Variants in CEACAM16 observed in about 807,000 individuals in gnomAD.
CEACAM16 encodes the protein cell adhesion molecule CEACAM16.
In CEACAM16, 30 loss-of-function variants were observed where a neutral mutation model predicts 39.4. That is an observed-to-expected ratio of 0.76 (90% CI 0.57 to 1.03). CEACAM16 has a LOEUF of 1.03. Among genes scored for constraint, CEACAM16 ranks in the 50% least tolerant of loss-of-function variants. CEACAM16 has a pLI of 0.00. For missense variants in CEACAM16, 521 were observed against 585.3 expected (o/e 0.89, Z 1.13); for synonymous variants, 262 against 264.9 (o/e 0.99, Z 0.11).
chr19:44,710,400 G>C, intron 6 of CEACAM16, 96 bp from the exon 7 acceptor site: 1 of 1,400,238 alleles, frequency 7.1e-7, no homozygotes, highest in Non-Finnish European at 9.8e-7. Context: ...GGTGGCCCGG[G>C]GTGGGCAGGG....
intron 3 of CEACAM16, 73 bp downstream of exon 3, chr19:44,703,766 T>TAAAA: frequency 2.2e-6 from 2 of 899,664 alleles, no homozygotes; most frequent in Non-Finnish European, 3.0e-6. Flanking sequence ...TTCTTTTTTT[T>TAAAA]AAAAAAAAAA....
At chr19:44,703,766 T>TAA (rs200629926) in intron 3 of CEACAM16, 73 bp downstream of exon 3, 721 of 898,708 alleles carry the variant, frequency 8.0e-4, no homozygotes, top group South Asian at 1.5e-3. Context: ...TTCTTTTTTT[T>TAA]AAAAAAAAAA....
intron 2 of CEACAM16, 41 bp from the exon 3 acceptor site, chr19:44,703,308 C>A: frequency 6.4e-7 from 1 of 1,556,912 alleles, no homozygotes; most frequent in Non-Finnish European, 8.8e-7. Context: ...GGCGATTGAT[C>A]AAACCTGCCT....
intron 1 of CEACAM16, among the ~76,000 whole-genome samples, chr19:44,700,949 G>A (rs1056122723): frequency 2.6e-5 from 4 of 152,134 alleles, no homozygotes; most frequent in African/African-American, 4.8e-5. Context: ...GGTCCTAAAG[G>A]TGCCCACTTT....
intron 6 of CEACAM16, 108 bp from the exon 7 acceptor site, chr19:44,710,388 T>A (rs1974518154): frequency 8.0e-7 from 1 of 1,246,076 alleles, no homozygotes; most frequent in Non-Finnish European, 1.1e-6. Flanking sequence ...ATTGGGCCAC[T>A]GGGTGGCCCG....
rs372417134 is a variant in CEACAM16 at position 44,705,685 on chromosome 19, G to A, written c.757G>A (p.Val253Met). 3.9e-5 allele frequency: 63 copies of A among 1,613,800 alleles called. No individual in the cohort carries two copies. The highest frequency in any genetic ancestry group is 2.0e-4 in the African/African-American group (15 of 74,918). Residue 253 changes from valine to methionine, a missense_variant, in exon 5 of 7, where the codon GTG becomes ATG. Transcript: ENST00000587331. ...CAACACGTCCCTCACCCTGTGGTGCGTGTCCAGGTCCTGCCCAGAGCCCGA... is the reference window on the plus strand; with the variant it reads ...CAACACGTCCCTCACCCTGTGGTGCATGTCCAGGTCCTGCCCAGAGCCCGA... Reference protein sequence around the residue: ...DFNTSLTLWCVSRSCPEPEYV... With the variant: ...DFNTSLTLWCMSRSCPEPEYV...
chr19:44,704,371 G>A, intron 4 of CEACAM16, 75 bp downstream of exon 4: 1 of 1,420,176 alleles, frequency 7.0e-7, no homozygotes, highest in East Asian at 2.5e-5. Context: ...CCAGGAGAGG[G>A]GGCCTAAGGG....
At position 44,704,315 on chromosome 19, in the gene CEACAM16, ACT is replaced by A. The variant is rs971978931; in HGVS notation, c.661+20_661+21del. On this transcript the variant is annotated intron_variant, in intron 4 of 6. Coordinates refer to ENST00000587331, the MANE Select transcript of CEACAM16 (RefSeq NM_001039213.4). ...GTGTACTGTGAGTCCTCCTGGCCCC[ACT>A]GGAGATACCCAGTGTCCAAACCTCA... The A allele has an allele frequency of 6.8e-7, 1 of 1,475,000 alleles. No individual in the cohort carries two copies. The highest frequency in any genetic ancestry group is 2.2e-5 in the Admixed American group (1 of 45,516). 91.4% of individuals were successfully genotyped at this position (1,475,000 alleles called of 1,614,324 possible). A position where few individuals can be genotyped will look rare whatever the true frequency, so the allele number is the denominator to read the frequency against.
chr19:44,704,061 G>A lies in CEACAM16; in HGVS notation c.426G>A (p.Leu142=). Residue 142 remains leucine (L), a synonymous_variant, in exon 4 of 7, where the codon CTG becomes CTA. Coordinates refer to ENST00000587331, the MANE Select transcript of CEACAM16 (RefSeq NM_001039213.4). ...QPTVLANSTA[L]VERRDTLRLM... Reference sequence around the variant, plus strand: ...CAGTCTTGGCCAACAGCACAGCGCTGGTGGAACGTCGAGACACCCTGCGCC... The same window carrying A: ...CAGTCTTGGCCAACAGCACAGCGCTAGTGGAACGTCGAGACACCCTGCGCC... 1.2e-6 allele frequency: 2 copies of A among 1,610,528 alleles called. No homozygotes were observed. Among genetic ancestry groups the A allele is most frequent in the Non-Finnish European group, 8.5e-7 (1 of 1,179,098 alleles).
Position 44,704,175 on chromosome 19 carries a change from C to T in CEACAM16, c.540C>T (p.Ser180=). The stretch of plus-strand genomic sequence containing the variant: ...CCGTCGCTCTCCGCCTGGGCCTGTC[C>T]CCTGACGGCCGGGTGCTGGCCAGGC... ...ALPVALRLGL[S]PDGRVLARHG... is the part of the protein sequence containing the mutation. The change falls in exon 4 of 7, where the codon TCC becomes TCT. Residue 180 remains serine, a synonymous_variant. Coordinates refer to ENST00000587331, the MANE Select transcript of CEACAM16 (RefSeq NM_001039213.4). 6.3e-7 allele frequency: 1 copy of T among 1,578,420 alleles called. No individual in the cohort carries two copies. Among genetic ancestry groups the T allele is most frequent in the Non-Finnish European group, 8.6e-7 (1 of 1,162,776 alleles).
intron 1 of CEACAM16, among the ~76,000 whole-genome samples, chr19:44,700,357 C>G (rs1434249326): frequency 1.3e-5 from 2 of 152,168 alleles, no homozygotes; most frequent in Non-Finnish European, 2.9e-5. Context: ...AGGCTGGTTG[C>G]AAACTCCTCA....
At chr19:44,710,256 C>T (rs1027750173) in intron 6 of CEACAM16, among the ~76,000 whole-genome samples, 3 of 152,334 alleles carry the variant, frequency 2.0e-5, no homozygotes, top group South Asian at 2.1e-4. Context: ...CAGGCCACCC[C>T]GGCAAAGCCT....
rs1340284176 is a variant in CEACAM16 at position 44,701,363 on chromosome 19, C to T, written c.-94C>T. On this transcript the variant is annotated splice_region_variant and 5_prime_UTR_variant, in exon 2 of 7. Coordinates refer to ENST00000587331, the MANE Select transcript of CEACAM16 (RefSeq NM_001039213.4). This position sits in a 1 kb window ranked among gnomAD's most constrained non-coding sequence, Gnocchi z 4.0. ...TCCAAATCACCAAACCCTCCCAGGT[C>T]CTGCGGCAGACGGAGCCGAGCCCCA... is the stretch of plus-strand genomic sequence containing the variant. 4 of 1,335,740 alleles carry T rather than the reference C, an allele frequency of 3.0e-6. No homozygotes were observed. Among genetic ancestry groups the T allele is most frequent in the South Asian group, 2.5e-5 (2 of 79,742 alleles). 82.7% of individuals were successfully genotyped at this position (1,335,740 alleles called of 1,614,324 possible).
At chr19:44,708,499 AG>A (rs1974487338) in intron 6 of CEACAM16, among the ~76,000 whole-genome samples, 1 of 152,218 alleles carries the variant, frequency 6.6e-6, no homozygotes, top group Non-Finnish European at 1.5e-5. Flanking sequence ...GTTTTAAAAG[AG>A]AAGGCATAGT....
At position 44,704,002 on chromosome 19, in the gene CEACAM16, T is replaced by C. The variant is rs755184535; in HGVS notation, c.383-16T>C. On this transcript the variant is annotated splice_polypyrimidine_tract_variant and intron_variant, in intron 3 of 6. Coordinates refer to ENST00000587331, the MANE Select transcript of CEACAM16 (RefSeq NM_001039213.4). ...TGGTGTCCGGCCCCCTCCCCCTCTG[T>C]CTCTTGCCCCCACAGAGATCCTGGC... The C allele has an allele frequency of 7.0e-6, 11 of 1,568,278 alleles. No individual in the cohort carries two copies. Among genetic ancestry groups the C allele is most frequent in the Non-Finnish European group, 8.7e-6 (10 of 1,150,424 alleles).
intron 4 of CEACAM16, among the ~76,000 whole-genome samples, chr19:44,704,761 ACAAC>A (rs1304369787): frequency 2.7e-5 from 4 of 150,256 alleles, no homozygotes; most frequent in South Asian, 2.1e-4. Flanking sequence ...ACAAAAAAAA[ACAAC>A]AACAACAAAC....
At position 44,700,240 on chromosome 19, in the gene CEACAM16, C is replaced by T. The variant is rs972882493; in HGVS notation, c.-97+980C>T. ...CAGGCTGGTCTCGAACTCCTGACCT[C>T]GTGAGCCACCTGCCTTGGCCTCCCA... is the stretch of plus-strand genomic sequence containing the variant. On this transcript the variant is annotated intron_variant, in intron 1 of 6. Transcript: ENST00000587331. Among the ~76,000 whole-genome samples, 10 of 152,026 alleles carry T rather than the reference C, an allele frequency of 6.6e-5. No individual in the cohort carries two copies. The East Asian group carries it at 1.7e-3, about 26-fold the overall frequency.
chr19:44,707,753 C>T, intron 5 of CEACAM16, 108 bp from the exon 6 acceptor site: 1 of 956,170 alleles, frequency 1.0e-6, no homozygotes, highest in Non-Finnish European at 1.5e-6. Context: ...TTCCCAGCAC[C>T]CTACATGGGG....
intron 1 of CEACAM16, among the ~76,000 whole-genome samples, chr19:44,699,771 G>A (rs932716486): frequency 6.6e-6 from 1 of 152,160 alleles, no homozygotes; most frequent in South Asian, 2.1e-4. Context: ...TCCCTGACTT[G>A]TAGCCTCTCA....
Sources: gnomAD v4.1 joint callset for allele counts (sites outside exome capture counted in the v4.1 genomes callset) on GRCh38, gnomAD v4.1.1 for gene constraint, Gnocchi (gnomAD v3.1) non-coding constraint, MANE v1.5 for transcripts, NCBI Gene and HGNC (gene_info 2026-07-23, HGNC 2026-07-21) for gene names.